KIAA1671: variants seen among roughly 807,000 people sequenced by gnomAD.
KIAA1671 encodes KIAA1671, also known as uncharacterized protein KIAA1671.
In KIAA1671, 52 loss-of-function variants were observed where a neutral mutation model predicts 131.2. The observed-to-expected ratio is 0.40, with a 90% CI of 0.32 to 0.50. The LOEUF (loss-of-function observed/expected upper bound fraction) is 0.50, where lower values mean the gene tolerates loss of function less well. Among genes scored for constraint, KIAA1671 ranks in the 20% least tolerant of loss-of-function variants. The probability of loss-of-function intolerance (pLI) is 0.73; values close to 1 mark genes in which losing one functional copy is unlikely to be tolerated. For missense variants in KIAA1671, 2,360 were observed against 2,364.2 expected (o/e 1.00, Z 0.04); for synonymous variants, 1,003 against 961.6 (o/e 1.04, Z -0.80).
At chr22:24,993,417 A>G (rs1923948446) in intron 1 of KIAA1671, among the ~76,000 whole-genome samples, 1 of 152,112 alleles carries the variant, frequency 6.6e-6, no homozygotes, top group African/African-American at 2.4e-5. Context: ...TGTTCCTTCC[A>G]TGCCCCAAGC....
intron 6 of KIAA1671, among the ~76,000 whole-genome samples, chr22:25,168,813 G>C (rs1278490432): frequency 6.6e-6 from 1 of 152,162 alleles, no homozygotes; most frequent in Non-Finnish European, 1.5e-5. Flanking sequence ...GAGTGTGTGA[G>C]GCTTGTGTGG....
chr22:25,132,875 C>T (rs543776941), intron 6 of KIAA1671, among the ~76,000 whole-genome samples: 6 of 151,922 alleles, frequency 3.9e-5, no homozygotes, highest in Non-Finnish European at 7.4e-5. Flanking sequence ...GCCAACATGG[C>T]GAAATCCCAT....
At chr22:25,136,817 G>GT (rs974891304) in intron 6 of KIAA1671, among the ~76,000 whole-genome samples, 2 of 152,276 alleles carry the variant, frequency 1.3e-5, no homozygotes, top group Admixed American at 6.5e-5. Flanking sequence ...ACCAATAATG[G>GT]TTTTTTTCTT....
At chr22:25,093,756 C>CTT (rs1568951091) in intron 6 of KIAA1671, among the ~76,000 whole-genome samples, 10 of 102,878 alleles carry the variant, frequency 9.7e-5, no homozygotes, top group Middle Eastern at 4.7e-3. Context: ...CTCTCTCTCT[C>CTT]TCTCTCTCTC....
intron 6 of KIAA1671, among the ~76,000 whole-genome samples, chr22:25,150,108 G>A (rs149517504): frequency 1.1e-4 from 17 of 152,360 alleles, no homozygotes; most frequent in African/African-American, 4.1e-4. Context: ...CATACAGTAG[G>A]TGCTGATGAA....
At position 25,038,700 on chromosome 22, in the gene KIAA1671, C is replaced by T; in HGVS notation, c.1630-60C>T. Reference sequence around the variant, plus strand: ...AGCCCTTTCAATTACTCCACTTTTTCCTTTCCATCTCAAATCCTTAAACAC... The same window carrying T: ...AGCCCTTTCAATTACTCCACTTTTTTCTTTCCATCTCAAATCCTTAAACAC... On this transcript the variant is annotated intron_variant, in intron 4 of 12. Transcript: ENST00000358431. 3 of 1,455,532 alleles carry T rather than the reference C, an allele frequency of 2.1e-6. No homozygotes were observed. The Admixed American group carries it at 8.1e-5, about 39-fold the overall frequency. The allele number at this position is 1,455,532 out of a possible 1,614,324, so 90.2% of individuals were successfully genotyped here. A position where few individuals can be genotyped will look rare whatever the true frequency, so the allele number is the denominator to read the frequency against.
chr22:25,172,856 TG>T (rs1419103554), intron 7 of KIAA1671, among the ~76,000 whole-genome samples: 1 of 152,218 alleles, frequency 6.6e-6, no homozygotes, highest in Non-Finnish European at 1.5e-5. Context: ...CCAGTCCTGT[TG>T]CTGGGGACAA....
At chr22:25,095,787 A>G (rs996995942) in intron 6 of KIAA1671, among the ~76,000 whole-genome samples, 3 of 152,268 alleles carry the variant, frequency 2.0e-5, no homozygotes, top group East Asian at 1.9e-4. Flanking sequence ...GCTCCTTTTC[A>G]TGGTTCTGTT....
chr22:24,960,702 A>G (rs1921975713), intron 1 of KIAA1671, among the ~76,000 whole-genome samples: 1 of 118,378 alleles, frequency 8.4e-6, no homozygotes, highest in Admixed American at 1.3e-4. Flanking sequence ...CGCAGTTAAC[A>G]TCCCTGTTGA....
intron 1 of KIAA1671, among the ~76,000 whole-genome samples, chr22:24,956,649 G>A (rs752144029): frequency 8.5e-5 from 13 of 152,110 alleles, no homozygotes; most frequent in East Asian, 1.9e-4. Flanking sequence ...GATGGATCAC[G>A]AGATCAGGAG....
intron 1 of KIAA1671, among the ~76,000 whole-genome samples, chr22:24,992,471 C>G (rs182450189): frequency 1.3e-5 from 2 of 152,108 alleles, no homozygotes; most frequent in Non-Finnish European, 2.9e-5. Flanking sequence ...ATCTCTGGCT[C>G]CTAGTACAGT....
intron 6 of KIAA1671, among the ~76,000 whole-genome samples, chr22:25,087,397 A>T (rs1175900852): frequency 6.6e-6 from 1 of 152,322 alleles, no homozygotes; most frequent in East Asian, 1.9e-4. Context: ...CAGTCTGGCC[A>T]ATGTGATGAA....
At chr22:24,970,646 C>T (rs1047427997) in intron 1 of KIAA1671, among the ~76,000 whole-genome samples, 6 of 151,028 alleles carry the variant, frequency 4.0e-5, no homozygotes, top group South Asian at 2.1e-4. Context: ...TCCAATCTTT[C>T]GGCTTCCCTG....
At chr22:25,073,454 C>G (rs1928934972) in intron 6 of KIAA1671, among the ~76,000 whole-genome samples, 1 of 152,178 alleles carries the variant, frequency 6.6e-6, no homozygotes, top group African/African-American at 2.4e-5. Context: ...TATACATATA[C>G]ATAGTGAAAT....
chr22:25,093,810 CTGTCTCTCTCTCTTTCTCTCTCTGTCTG>C lies in KIAA1671; in HGVS notation c.4530+44448_4530+44475del, dbSNP rs1568951435. On this transcript the variant is annotated intron_variant, in intron 6 of 12. Coordinates refer to ENST00000358431, the MANE Select transcript of KIAA1671 (RefSeq NM_001145206.2). ...TCTCTCTCTCTCTCTCTCTCTCTCT[CTGTCTCTCTCTCTTTCTCTCTCTGTCTG>C]TCTCTCTCTCTCTCTCTCTCTCTCT... is the stretch of plus-strand genomic sequence containing the variant. Among the ~76,000 whole-genome samples the C allele has an allele frequency of 3.2e-3, 358 of 111,034 alleles. 16 individuals carry two copies. The highest frequency in any genetic ancestry group is 4.0e-3 in the South Asian group (14 of 3,464). 72.8% of individuals were successfully genotyped at this position (111,034 alleles called of 152,430 possible).
At position 25,039,634 on chromosome 22, in the gene KIAA1671, T is replaced by C. The variant is rs1165129790; in HGVS notation, c.2504T>C (p.Val835Ala). ...GAVVSSHKAT[V>A]AVSEEHCAPG... ...GTGGTGAGCTCGCACAAAGCCACCG[T>C]GGCAGTCAGCGAAGAGCACTGTGCT... Residue 835 changes from valine to alanine, a missense_variant, in exon 5 of 13, where the codon GTG (valine) becomes GCG (alanine). Around this residue, in one of 3 missense-constraint regions of KIAA1671, gnomAD observed 1,185 missense variants for 1,126.2 expected, o/e 1.05. Transcript: ENST00000358431. 1 of 1,548,596 alleles carries C rather than the reference T, an allele frequency of 6.5e-7. No homozygotes were observed. The highest frequency in any genetic ancestry group is 1.4e-5 in the African/African-American group (1 of 73,044).
intron 6 of KIAA1671, among the ~76,000 whole-genome samples, chr22:25,065,616 C>G (rs999278931): frequency 6.6e-6 from 1 of 151,680 alleles, no homozygotes. Flanking sequence ...CATTTTTCAA[C>G]TTTTTTTAAA....
At chr22:25,011,543 T>A (rs1925033750) in intron 1 of KIAA1671, 1 of 152,048 alleles carries the variant, frequency 6.6e-6, no homozygotes, top group African/African-American at 2.4e-5. Context: ...CACCTCAGCC[T>A]CCCAAATTGC....
At chr22:25,150,398 C>T (rs1216189031) in intron 6 of KIAA1671, among the ~76,000 whole-genome samples, 1 of 152,204 alleles carries the variant, frequency 6.6e-6, no homozygotes, top group Non-Finnish European at 1.5e-5. Flanking sequence ...TTACCTGAGG[C>T]CATACAGCCA....
Sources: allele counts gnomAD v4.1 joint callset (sites outside exome capture counted in the v4.1 genomes callset), GRCh38; gene constraint gnomAD v4.1.1; regional missense constraint gnomAD v4.1.1; transcripts MANE v1.5; gene names NCBI Gene and HGNC (gene_info 2026-07-23, HGNC 2026-07-21).